The following CMSS1 variants were observed in gnomAD, a reference collection of about 807,000 sequenced individuals.
The protein encoded by CMSS1 is cms1 ribosomal small subunit homolog, also known as protein CMSS1.
Under a neutral mutation model 43.5 loss-of-function variants are expected in CMSS1, and 33 were observed. That is an observed-to-expected ratio of 0.76 (90% CI 0.57 to 1.01). The LOEUF is 1.01. Among genes scored for constraint, CMSS1 ranks in the 50% least tolerant of loss-of-function variants. The pLI, the probability that CMSS1 is intolerant of heterozygous loss-of-function variation, is 0.00. For missense variants in CMSS1, 313 were observed against 326.4 expected (o/e 0.96, Z 0.32); for synonymous variants, 115 against 117.2 (o/e 0.98, Z 0.12).
chr3:99,870,132 A>T (rs1944717860), intron 1 of CMSS1, among the ~76,000 whole-genome samples: 1 of 152,124 alleles, frequency 6.6e-6, no homozygotes, highest in Non-Finnish European at 1.5e-5. Flanking sequence ...TCATTATTCA[A>T]TCTTTATTGA....
At chr3:99,859,477 C>G (rs1334143106) in intron 1 of CMSS1, among the ~76,000 whole-genome samples, 1 of 152,160 alleles carries the variant, frequency 6.6e-6, no homozygotes, top group Admixed American at 6.5e-5. Flanking sequence ...TCTCATTATT[C>G]CAGAGCTAGT....
At position 99,832,910 on chromosome 3, in the gene CMSS1, A is replaced by T. The variant is rs148771630; in HGVS notation, c.64+14867A>T. 4.6e-3 allele frequency among the ~76,000 whole-genome samples: 688 copies of T among 150,580 alleles called. 2 individuals carry two copies. Among genetic ancestry groups the T allele is most frequent in the South Asian group, 6.6e-3 (31 of 4,726 alleles). The stretch of plus-strand genomic sequence containing the variant: ...CTTATCCTTGGACATGTTTCAGTAA[A>T]TGAGGTATGGAGCATTAAAATGTGT... On this transcript the variant is annotated intron_variant, in intron 1 of 9. Coordinates refer to ENST00000421999, the MANE Select transcript of CMSS1 (RefSeq NM_032359.4).
At chr3:100,141,201 G>T (rs990109929) in intron 1 of CMSS1, among the ~76,000 whole-genome samples, 1 of 152,196 alleles carries the variant, frequency 6.6e-6, no homozygotes, top group Non-Finnish European at 1.5e-5. Flanking sequence ...CCCACTTTGT[G>T]TCAGAATGTC....
At chr3:100,018,916 G>A (rs1373745524) in intron 1 of CMSS1, among the ~76,000 whole-genome samples, 2 of 152,018 alleles carry the variant, frequency 1.3e-5, no homozygotes, top group Non-Finnish European at 2.9e-5. Context: ...CTCAGAAGAA[G>A]ATAAATAGCC....
chr3:99,885,367 A>G (rs1345185685), intron 1 of CMSS1, among the ~76,000 whole-genome samples: 1 of 152,270 alleles, frequency 6.6e-6, no homozygotes, highest in African/African-American at 2.4e-5. Flanking sequence ...TCTAAGATTT[A>G]TAGAAGTACA....
At chr3:100,054,499 T>C (rs2065428707) in intron 1 of CMSS1, among the ~76,000 whole-genome samples, 1 of 131,634 alleles carries the variant, frequency 7.6e-6, no homozygotes, top group Admixed American at 7.3e-5. Flanking sequence ...TTTGTTATGT[T>C]ATGTTATGTT....
At chr3:99,977,073 A>G (rs1169992244) in intron 1 of CMSS1, among the ~76,000 whole-genome samples, 1 of 152,204 alleles carries the variant, frequency 6.6e-6, no homozygotes, top group Non-Finnish European at 1.5e-5. Context: ...TAGTGTCTCT[A>G]TGTTAGGATT....
rs570824546 is a variant in CMSS1 at position 100,169,790 on chromosome 3, G to C, written c.518+1950G>C. On this transcript the variant is annotated intron_variant, in intron 6 of 9. Coordinates refer to ENST00000421999, the MANE Select transcript of CMSS1 (RefSeq NM_032359.4). ...CATGGGAATTCACACTGACTTTTCA[G>C]TGCTTTAAAAACTACCTCATTTCAC... 1.3e-4 allele frequency among the ~76,000 whole-genome samples: 20 copies of C among 152,338 alleles called. No homozygotes were observed. The South Asian group carries it at 3.3e-3, about 25-fold the overall frequency.
chr3:99,916,911 A>G (rs772431676), intron 1 of CMSS1, among the ~76,000 whole-genome samples: 1 of 152,200 alleles, frequency 6.6e-6, no homozygotes, highest in Non-Finnish European at 1.5e-5. Context: ...CTTGCCAGGA[A>G]AGTTTACCTA....
At chr3:100,101,898 G>T (rs1425753574) in intron 1 of CMSS1, among the ~76,000 whole-genome samples, 1 of 152,048 alleles carries the variant, frequency 6.6e-6, no homozygotes, top group South Asian at 2.1e-4. Context: ...GCGATAGTTT[G>T]CTGAGAATGA....
chr3:100,144,961 T>C (rs755500416), intron 1 of CMSS1, among the ~76,000 whole-genome samples: 23 of 152,206 alleles, frequency 1.5e-4, no homozygotes, highest in Non-Finnish European at 2.9e-4. Flanking sequence ...TCTAGGATTT[T>C]TCATTGTACT....
intron 1 of CMSS1, among the ~76,000 whole-genome samples, chr3:99,880,534 A>G (rs567763072): frequency 2.5e-4 from 38 of 152,306 alleles, no homozygotes; most frequent in African/African-American, 8.2e-4. Flanking sequence ...CTATGACTCT[A>G]GAACAGTGAC....
chr3:100,062,204 C>T (rs1049117839), intron 1 of CMSS1, among the ~76,000 whole-genome samples: 2 of 146,822 alleles, frequency 1.4e-5, no homozygotes, highest in South Asian at 2.2e-4. Flanking sequence ...CTCCGCCTCC[C>T]GGGTTCAGGC....
intron 1 of CMSS1, among the ~76,000 whole-genome samples, chr3:99,999,285 A>T (rs2107158674): frequency 6.6e-6 from 1 of 152,338 alleles, no homozygotes; most frequent in East Asian, 1.9e-4. Flanking sequence ...GTCTCATAGC[A>T]CATATCACAT....
intron 1 of CMSS1, among the ~76,000 whole-genome samples, chr3:99,977,647 T>G (rs949151859): frequency 2.6e-5 from 4 of 152,160 alleles, no homozygotes; most frequent in Non-Finnish European, 4.4e-5. Context: ...CTAAAGTGTA[T>G]AGTACAAACA....
chr3:100,168,459 C>A (rs2067082224), intron 6 of CMSS1, among the ~76,000 whole-genome samples: 1 of 152,046 alleles, frequency 6.6e-6, no homozygotes, highest in African/African-American at 2.4e-5. Flanking sequence ...CTTTGGGAGG[C>A]TGAGGTGGGA....
intron 1 of CMSS1, among the ~76,000 whole-genome samples, chr3:100,013,707 A>G (rs1710233567): frequency 6.6e-6 from 1 of 152,172 alleles, no homozygotes; most frequent in Non-Finnish European, 1.5e-5. Context: ...TAGTTGGCAA[A>G]TAAAAATTGT....
At chr3:100,083,330 C>G (rs2065959872) in intron 1 of CMSS1, among the ~76,000 whole-genome samples, 1 of 152,184 alleles carries the variant, frequency 6.6e-6, no homozygotes, top group Non-Finnish European at 1.5e-5. Flanking sequence ...ATAAGTAGCC[C>G]TTAACGTATG....
intron 1 of CMSS1, among the ~76,000 whole-genome samples, chr3:99,829,693 C>G (rs917274982): frequency 6.6e-6 from 1 of 152,092 alleles, no homozygotes; most frequent in African/African-American, 2.4e-5. Context: ...AAACAATGTC[C>G]TGTGAGATGA....
Sources: allele counts gnomAD v4.1 joint callset (sites outside exome capture counted in the v4.1 genomes callset), GRCh38; gene constraint gnomAD v4.1.1; transcripts MANE v1.5; gene names NCBI Gene and HGNC (gene_info 2026-07-23, HGNC 2026-07-21).